BRME1: variants seen among roughly 807,000 people sequenced by gnomAD.
The protein encoded by BRME1 is break repair meiotic recombinase recruitment factor 1, also known as BRCA2 and MEILB2-associating protein 1.
A neutral mutation model predicts 52.6 loss-of-function variants in BRME1; 31 were observed. The observed-to-expected ratio is 0.59, with a 90% CI of 0.44 to 0.80. BRME1 has a LOEUF of 0.80. Among genes scored for constraint, BRME1 ranks in the 30% least tolerant of loss-of-function variants. BRME1 has a pLI of 0.00. For synonymous variants in BRME1, 359 were observed against 353.6 expected (o/e 1.02, Z -0.17); for missense variants, 804 against 860.3 (o/e 0.93, Z 0.82).
rs202100982 is a variant in BRME1 at position 13,889,732 on chromosome 19, G to A, written c.1124C>T (p.Ala375Val). Residue 375 changes from alanine (A) to valine (V), a missense_variant, in exon 6 of 9, where the codon GCC (alanine) becomes GTC (valine). Transcript: ENST00000586783. ...GGCCCTCCTGTGGCCTCCATCAGCGGCCTTCCTCCTGGGAGAGGCAGGTGA... is the reference window on the plus strand; with the variant it reads ...GGCCCTCCTGTGGCCTCCATCAGCGACCTTCCTCCTGGGAGAGGCAGGTGA... The part of the protein sequence containing the change: ...AISPASPRRK[A>V]ADGGHRRALP... 2.0e-4 allele frequency: 318 copies of A among 1,608,636 alleles called. No individual in the cohort carries two copies. Among genetic ancestry groups the A allele is most frequent in the Non-Finnish European group, 2.5e-4 (298 of 1,178,266 alleles).
At chr19:13,897,551 T>A (rs1333300797) in intron 2 of BRME1, among the ~76,000 whole-genome samples, 1 of 152,184 alleles carries the variant, frequency 6.6e-6, no homozygotes, top group Non-Finnish European at 1.5e-5. Context: ...TTCAATATTA[T>A]CTTTGTCCAT....
rs769178284 is a variant in BRME1, at chr19:13,889,300, G to C, written c.1556C>G (p.Ser519Cys). The change falls in exon 6 of 9, where the codon TCT becomes TGT. Residue 519 changes from serine (S) to cysteine (C), a missense_variant. Physicochemically the swap from Ser to Cys is moderately radical, Grantham distance 112 (BLOSUM62 -1). Around this residue, in one of 3 missense-constraint regions of BRME1, gnomAD observed 552 missense variants for 561.1 expected, o/e 0.98. Coordinates refer to ENST00000586783, the MANE Select transcript of BRME1 (RefSeq NM_001345843.2). ...GTCTGCCCAGGTGCCCTGGTCTGCA[G>C]AATGAGGCAGGTGGTCTCGCTGCCC... ...LAGQRDHLPHSADQGTWADSL... is the reference protein window; with the variant it reads ...LAGQRDHLPHCADQGTWADSL... 6.2e-7 allele frequency: 1 copy of C among 1,614,154 alleles called. No homozygotes were observed. The highest frequency in any genetic ancestry group is 8.5e-7 in the Non-Finnish European group (1 of 1,180,032).
Position 13,895,374 on chromosome 19 carries a change from G to A in BRME1, c.204C>T (p.Ser68=). Residue 68 remains serine, a splice_region_variant and synonymous_variant, in exon 3 of 9, where the codon TCC becomes TCT. Transcript: ENST00000586783. ...QHGEEPGKAV[S]SSPDEETGSP... ...CCGGAATGTTCAGAGCCACCTACCT[G>A]GAGACGGCCTTTCCTGGTTCCTCCC... The A allele has an allele frequency of 1.2e-6, 2 of 1,612,572 alleles. No individual in the cohort carries two copies. The highest frequency in any genetic ancestry group is 2.7e-5 in the African/African-American group (2 of 74,986).
rs1159325305 is a variant in BRME1, at chr19:13,898,923, CAAA to C, written c.32-3380_32-3378del. Among the ~76,000 whole-genome samples, 416 of 67,724 alleles carry C rather than the reference CAAA, an allele frequency of 6.1e-3. 1 individual carries two copies. The highest frequency in any genetic ancestry group is 0.017 in the African/African-American group (367 of 21,010). The allele number at this position is 67,724 out of a possible 152,430, so 44.4% of individuals were successfully genotyped here. A position where few individuals can be genotyped will look rare whatever the true frequency, so the allele number is the denominator to read the frequency against. Reference sequence around the variant, plus strand: ...GGGCAACAAGAGTGAAACTCCATCTCAAAAAAAAAAAAAAAAAAAAAAGAATAA... The same window carrying C: ...GGGCAACAAGAGTGAAACTCCATCTCAAAAAAAAAAAAAAAAAAAGAATAA... On this transcript the variant is annotated intron_variant, in intron 2 of 8. Coordinates refer to ENST00000586783, the MANE Select transcript of BRME1 (RefSeq NM_001345843.2).
At chr19:13,886,151 C>T (rs1260303208) in intron 6 of BRME1, 96 bp from the exon 7 acceptor site, 12 of 1,020,236 alleles carry the variant, frequency 1.2e-5, no homozygotes, top group East Asian at 1.0e-4. Context: ...TTGGCTTCAC[C>T]GCGGCCACAG....
At chr19:13,896,171 G>A (rs778101889) in intron 2 of BRME1, among the ~76,000 whole-genome samples, 2 of 152,034 alleles carry the variant, frequency 1.3e-5, no homozygotes, top group African/African-American at 2.4e-5. Context: ...TTGGGAGGCT[G>A]AGGCAGGAGA....
rs138458744 is a variant in BRME1, at chr19:13,892,312, G to A, written c.393+474C>T. Among the ~76,000 whole-genome samples, 622 of 152,254 alleles carry A rather than the reference G, an allele frequency of 4.1e-3. 3 individuals are homozygous for A. Among genetic ancestry groups the A allele is most frequent in the African/African-American group, 0.014 (590 of 41,548 alleles). On this transcript the variant is annotated intron_variant, in intron 5 of 8. Coordinates refer to ENST00000586783, the MANE Select transcript of BRME1 (RefSeq NM_001345843.2). Reference sequence around the variant, plus strand: ...TTTAAAAATTGTGCTAAGGCCGTGCGCAGTGGCTCATGCCTGTAATCCCAG... The same window carrying A: ...TTTAAAAATTGTGCTAAGGCCGTGCACAGTGGCTCATGCCTGTAATCCCAG...
intron 5 of BRME1, among the ~76,000 whole-genome samples, chr19:13,891,727 C>T (rs1434227411): frequency 6.6e-6 from 1 of 151,780 alleles, no homozygotes; most frequent in Non-Finnish European, 1.5e-5. Flanking sequence ...CCTCGGCCTC[C>T]CAAAGTGCTG....
intron 3 of BRME1, 98 bp from the exon 4 acceptor site, chr19:13,893,321 C>T (rs1033640112): frequency 2.0e-5 from 21 of 1,029,148 alleles, no homozygotes; most frequent in Non-Finnish European, 2.9e-5. Flanking sequence ...GGCAGATCAC[C>T]GAGGCCAGGA....
intron 3 of BRME1, 35 bp downstream of exon 3, chr19:13,895,337 T>A (rs1969799393): frequency 6.3e-7 from 1 of 1,596,906 alleles, no homozygotes; most frequent in African/African-American, 1.3e-5. Context: ...GGACTGTCAG[T>A]GGGGAGACCT....
intron 2 of BRME1, among the ~76,000 whole-genome samples, chr19:13,895,751 C>T (rs1435895628): frequency 1.3e-5 from 2 of 152,160 alleles, no homozygotes; most frequent in African/African-American, 2.4e-5. Flanking sequence ...TGGATAAATG[C>T]ACACCACCAA....
In BRME1 at chr19:13,895,418, G is replaced by C. The variant is rs1299623149; in HGVS notation, c.160C>G (p.Pro54Ala). ...TCCTCCCCGTGCTGCTGTGTAGAGG[G>C]AACAGGTCCCAATTTGCCCTCTGGC... ...EEPEGKLGPV[P>A]STQQHGEEPG... Residue 54 changes from proline to alanine, a missense_variant, in exon 3 of 9, where the codon CCC (proline) becomes GCC (alanine). By Grantham distance (27) the Pro-to-Ala change is conservative (BLOSUM62 -1). This residue lies in a region of BRME1 where 234 missense variants were observed against 258.1 expected (regional missense o/e 0.91). Coordinates refer to ENST00000586783, the MANE Select transcript of BRME1 (RefSeq NM_001345843.2). The C allele has an allele frequency of 1.2e-6, 2 of 1,614,066 alleles. No individual in the cohort carries two copies. Among genetic ancestry groups the C allele is most frequent in the Admixed American group, 3.3e-5 (2 of 60,020 alleles).
intron 2 of BRME1, among the ~76,000 whole-genome samples, chr19:13,901,703 A>C (rs1271105589): frequency 6.6e-6 from 1 of 151,178 alleles, no homozygotes; most frequent in Non-Finnish European, 1.5e-5. Flanking sequence ...TCTCCAAAAA[A>C]AAAAAAAAGA....
intron 5 of BRME1, among the ~76,000 whole-genome samples, chr19:13,891,144 A>T (rs1379188623): frequency 6.9e-5 from 10 of 144,818 alleles, no homozygotes; most frequent in African/African-American, 2.5e-4. Context: ...GTTTATTATT[A>T]TTATTATTAT....
At position 13,890,286 on chromosome 19, in the gene BRME1, C is replaced by T. The variant is rs1969385534; in HGVS notation, c.570G>A (p.Gln190=). Residue 190 remains glutamine (Q), a synonymous_variant, in exon 6 of 9, where the codon CAG becomes CAA. Transcript: ENST00000586783. ...VQAVPGSGDS[Q]PDDPPDRGTG... is the part of the protein sequence containing the mutation. ...TCCCCCTGTCTGGAGGGTCATCAGG[C>T]TGAGAATCCCCACTGCCGGGCACCG... 6.2e-7 allele frequency: 1 copy of T among 1,612,138 alleles called. No homozygotes were observed. The highest frequency in any genetic ancestry group is 1.7e-5 in the Admixed American group (1 of 59,880).
intron 3 of BRME1, 42 bp downstream of exon 3, chr19:13,895,330 C>T: frequency 6.3e-7 from 1 of 1,584,450 alleles, no homozygotes; most frequent in Non-Finnish European, 8.6e-7. Flanking sequence ...GCTATGTGGA[C>T]TGTCAGTGGG....
rs142928199 is a variant in BRME1 at position 13,889,654 on chromosome 19, G to C, written c.1202C>G (p.Ala401Gly). Reference sequence around the variant, plus strand: ...GCCGGGGGGCTTGCCATCCTGCCCTGCCTCCCCACTTTCTCCTGTGGTTTC... The same window carrying C: ...GCCGGGGGGCTTGCCATCCTGCCCTCCCTCCCCACTTTCTCCTGTGGTTTC... ...TGETTGESGE[A>G]GQDGKPPGDV... Residue 401 changes from alanine to glycine, a missense_variant, in exon 6 of 9, where the codon GCA becomes GGA. Coordinates refer to ENST00000586783, the MANE Select transcript of BRME1 (RefSeq NM_001345843.2). 6.2e-7 allele frequency: 1 copy of C among 1,609,586 alleles called. No individual in the cohort carries two copies. The highest frequency in any genetic ancestry group is 1.3e-5 in the African/African-American group (1 of 74,890).
intron 7 of BRME1, among the ~76,000 whole-genome samples, chr19:13,884,681 C>A (rs1353204670): frequency 1.3e-5 from 2 of 152,048 alleles, no homozygotes; most frequent in African/African-American, 4.8e-5. Flanking sequence ...ACACCTCCCC[C>A]ACCCCACAGA....
intron 3 of BRME1, among the ~76,000 whole-genome samples, chr19:13,893,471 T>C (rs778386210): frequency 5.3e-5 from 8 of 152,026 alleles, no homozygotes; most frequent in Admixed American, 1.3e-4. Context: ...GGAGATGGTG[T>C]TTGCAGTGAG....
Sources: gnomAD v4.1 joint callset for allele counts (sites outside exome capture counted in the v4.1 genomes callset) on GRCh38, gnomAD v4.1.1 for gene constraint, gnomAD v4.1.1 regional missense constraint, MANE v1.5 for transcripts, NCBI Gene and HGNC (gene_info 2026-07-23, HGNC 2026-07-21) for gene names.